Variants in PPP1R9A observed in about 807,000 individuals in gnomAD.
The protein encoded by PPP1R9A is neurabin-1.
In PPP1R9A, 59 loss-of-function variants were observed where a neutral mutation model predicts 141.9. The ratio of observed to expected loss-of-function variants is 0.42; its 90% CI spans 0.34 to 0.52. The LOEUF (loss-of-function observed/expected upper bound fraction) is 0.52, where lower values mean the gene tolerates loss of function less well. Ranked by LOEUF, PPP1R9A falls within the 20% of genes least tolerant of loss-of-function variation. The probability of loss-of-function intolerance (pLI) is 0.10; values close to 1 mark genes in which losing one functional copy is unlikely to be tolerated. For missense variants in PPP1R9A, 1,444 were observed against 1,611.9 expected, an observed-to-expected ratio of 0.90 and a Z score of 1.78; for synonymous variants, 500 against 569.7, an observed-to-expected ratio of 0.88 and a Z score of 1.74.
chr7:95,175,500 A>T (rs952646226), intron 5 of PPP1R9A, among the ~76,000 whole-genome samples: 20 of 122,448 alleles, frequency 1.6e-4, no homozygotes, highest in Middle Eastern at 3.6e-3. Flanking sequence ...CTTTGCCTTT[A>T]AAAAAAAAAA....
intron 2 of PPP1R9A, among the ~76,000 whole-genome samples, chr7:94,999,417 G>A (rs564958977): frequency 2.6e-5 from 4 of 152,262 alleles, no homozygotes; most frequent in African/African-American, 9.6e-5. Flanking sequence ...GATAGATACA[G>A]CACTAGGTTC....
intron 2 of PPP1R9A, among the ~76,000 whole-genome samples, chr7:94,913,672 A>C (rs956685261): frequency 8.6e-5 from 13 of 151,524 alleles, no homozygotes; most frequent in African/African-American, 2.9e-4. Context: ...GCTGCTTTCT[A>C]CTGGTCATGG....
chr7:95,013,552 A>G (rs979778063), intron 2 of PPP1R9A, among the ~76,000 whole-genome samples: 6 of 152,240 alleles, frequency 3.9e-5, no homozygotes, highest in South Asian at 4.1e-4. Context: ...CTTTTCTGCA[A>G]ATTTCACCAA....
chr7:95,123,218 A>AGTT (rs2152494275), intron 4 of PPP1R9A, among the ~76,000 whole-genome samples: 1 of 152,308 alleles, frequency 6.6e-6, no homozygotes, highest in African/African-American at 2.4e-5. Flanking sequence ...ATTATTTATA[A>AGTT]CTACATTAGA....
intron 3 of PPP1R9A, among the ~76,000 whole-genome samples, chr7:95,113,190 G>A (rs979568639): frequency 6.6e-6 from 1 of 152,146 alleles, no homozygotes; most frequent in African/African-American, 2.4e-5. Flanking sequence ...TGAGACTTAA[G>A]TTGGCGATCT....
chr7:95,057,096 T>A (rs1811603556), intron 2 of PPP1R9A, among the ~76,000 whole-genome samples: 1 of 152,168 alleles, frequency 6.6e-6, no homozygotes, highest in South Asian at 2.1e-4. Flanking sequence ...ATCAGAAGCC[T>A]CATTAGGGAA....
Position 95,028,862 on chromosome 7 carries a change from A to C in PPP1R9A, c.1396-82397A>C, listed in dbSNP as rs373837347. On this transcript the variant is annotated intron_variant, in intron 2 of 19. Transcript: ENST00000433360. ...TCTTTGAGTGGAGCCTAAAGCAGGA[A>C]GATAGCTTAACTGATTGAACCTTGT... 1.5e-3 allele frequency among the ~76,000 whole-genome samples: 228 copies of C among 152,326 alleles called. 2 individuals carry two copies. The highest frequency in any genetic ancestry group is 8.3e-3 in the South Asian group (40 of 4,820).
rs956183647 is a variant in PPP1R9A, at chr7:94,994,019, C to G, written c.1395+82511C>G. On this transcript the variant is annotated intron_variant, in intron 2 of 19. Coordinates refer to ENST00000433360, the MANE Select transcript of PPP1R9A (RefSeq NM_001166160.2). ...ATGGCTGACATCCTATAACAAAAGA[C>G]AGACTGACAAGAGAGAAGCCTAACA... Among the ~76,000 whole-genome samples, 12 of 152,216 alleles carry G rather than the reference C, an allele frequency of 7.9e-5. No homozygotes were observed. In the East Asian group the frequency reaches 2.3e-3, roughly 29 times the overall value.
At chr7:95,130,610 A>C (rs543386428) in intron 4 of PPP1R9A, among the ~76,000 whole-genome samples, 1 of 152,222 alleles carries the variant, frequency 6.6e-6, no homozygotes, top group African/African-American at 2.4e-5. Context: ...CTTGCACTCT[A>C]TGCCTGGAAA....
At chr7:95,151,547 C>T (rs1828673329) in intron 4 of PPP1R9A, among the ~76,000 whole-genome samples, 1 of 151,990 alleles carries the variant, frequency 6.6e-6, no homozygotes, top group Admixed American at 6.6e-5. Context: ...ATGGTGGATA[C>T]ATGTCATCCA....
intron 2 of PPP1R9A, among the ~76,000 whole-genome samples, chr7:95,044,731 TA>T (rs1809757002): frequency 1.5e-5 from 2 of 131,188 alleles, no homozygotes; most frequent in African/African-American, 2.9e-5. Context: ...TATATATATA[TA>T]ATATATATAT....
At chr7:95,177,054 G>A (rs536211135) in intron 5 of PPP1R9A, among the ~76,000 whole-genome samples, 1 of 152,200 alleles carries the variant, frequency 6.6e-6, no homozygotes, top group East Asian at 1.9e-4. Context: ...TTATCACCCA[G>A]GCGCATTGTC....
chr7:94,917,893 T>C (rs974128718), intron 2 of PPP1R9A, among the ~76,000 whole-genome samples: 1 of 152,222 alleles, frequency 6.6e-6, no homozygotes, highest in Admixed American at 6.5e-5. Flanking sequence ...ACAAGTAATT[T>C]GATTGAAATC....
At chr7:95,097,061 C>G (rs1818135309) in intron 2 of PPP1R9A, among the ~76,000 whole-genome samples, 1 of 151,608 alleles carries the variant, frequency 6.6e-6, no homozygotes, top group African/African-American at 2.4e-5. Context: ...CTTTTTTTTC[C>G]TGTCACCCAG....
intron 2 of PPP1R9A, among the ~76,000 whole-genome samples, chr7:94,934,081 T>C (rs1794476677): frequency 6.6e-6 from 1 of 152,222 alleles, no homozygotes; most frequent in African/African-American, 2.4e-5. Flanking sequence ...ATAGTTCATA[T>C]TTAACAGATG....
At chr7:94,928,040 C>T (rs1793696989) in intron 2 of PPP1R9A, among the ~76,000 whole-genome samples, 1 of 152,124 alleles carries the variant, frequency 6.6e-6, no homozygotes, top group Non-Finnish European at 1.5e-5. Flanking sequence ...TAGCAGCTTG[C>T]TGTGGTGCTC....
intron 2 of PPP1R9A, among the ~76,000 whole-genome samples, chr7:95,089,023 A>G (rs1451458961): frequency 6.6e-6 from 1 of 152,082 alleles, no homozygotes; most frequent in South Asian, 2.1e-4. Context: ...CTTACTTAAG[A>G]TAACACAAGT....
intron 5 of PPP1R9A, among the ~76,000 whole-genome samples, chr7:95,163,603 A>G (rs1044853893): frequency 3.9e-5 from 6 of 152,084 alleles, no homozygotes; most frequent in African/African-American, 1.4e-4. Flanking sequence ...TCTAATGAAT[A>G]TTTCCTTTGG....
intron 2 of PPP1R9A, among the ~76,000 whole-genome samples, chr7:95,091,876 G>C (rs571309890): frequency 6.6e-6 from 1 of 150,652 alleles, no homozygotes; most frequent in South Asian, 2.1e-4. Context: ...AGAAAAGCAT[G>C]GTTTTTTAAT....
Sources: allele counts gnomAD v4.1 joint callset (sites outside exome capture counted in the v4.1 genomes callset), GRCh38; gene constraint gnomAD v4.1.1; transcripts MANE v1.5; gene names NCBI Gene and HGNC (gene_info 2026-07-23, HGNC 2026-07-21).